ESRRG: variants seen among roughly 807,000 people sequenced by gnomAD.
ESRRG encodes estrogen related receptor gamma.
ESRRG carries 13 observed loss-of-function variants against 44.0 expected under a neutral mutation model. The ratio of observed to expected loss-of-function variants is 0.30; its 90% CI spans 0.19 to 0.47. The LOEUF is 0.47. ESRRG is among the 20% of genes least tolerant of loss of function. The pLI, the probability that ESRRG is intolerant of heterozygous loss-of-function variation, is 1.00. For synonymous variants in ESRRG, 215 were observed against 214.6 expected (o/e 1.00, Z -0.02); for missense variants, 395 against 580.6 (o/e 0.68, Z 3.29).
Position 216,891,101 on chromosome 1 carries a change from T to C in ESRRG, c.-14+48481A>G, listed in dbSNP as rs1043137323. On this transcript the variant is annotated intron_variant, in intron 2 of 7. Coordinates refer to the ESRRG transcript ENST00000359162. ...AAAGGTTTCCTGGCCGGAAACTCTGTTGTTGCATTTTTTATGCCTATATGT... is the reference window on the plus strand; with the variant it reads ...AAAGGTTTCCTGGCCGGAAACTCTGCTGTTGCATTTTTTATGCCTATATGT... Among the ~76,000 whole-genome samples the C allele has an allele frequency of 3.3e-5, 5 of 152,226 alleles. No homozygotes were observed. In the East Asian group the frequency reaches 9.6e-4, roughly 29 times the overall value.
intron 2 of ESRRG, among the ~76,000 whole-genome samples, chr1:216,799,878 A>C (rs1338186885): frequency 6.6e-6 from 1 of 152,122 alleles, no homozygotes; most frequent in African/African-American, 2.4e-5. Context: ...ATTAGTCAGT[A>C]ATTTGGGATT....
intron 1 of ESRRG, among the ~76,000 whole-genome samples, chr1:217,026,912 C>CACACACACACACAGAG (rs1255637839): frequency 3.2e-5 from 3 of 93,414 alleles, no homozygotes; most frequent in Non-Finnish European, 6.5e-5. Context: ...CACACACACA[C>CACACACACACACAGAG]AGAGAGAGAG....
chr1:217,056,515 T>C (rs1194054365), intron 1 of ESRRG, among the ~76,000 whole-genome samples: 1 of 151,862 alleles, frequency 6.6e-6, no homozygotes, highest in Non-Finnish European at 1.5e-5. Context: ...GTGCCATTGA[T>C]ATTGTGTTGA....
At chr1:216,881,527 T>A (rs957829944) in intron 2 of ESRRG, among the ~76,000 whole-genome samples, 2 of 152,036 alleles carry the variant, frequency 1.3e-5, no homozygotes, top group African/African-American at 4.8e-5. Context: ...CTGGTAGCTA[T>A]ACGAAAGGAG....
intron 1 of ESRRG, among the ~76,000 whole-genome samples, chr1:217,116,862 T>C (rs993392193): frequency 2.0e-5 from 3 of 152,122 alleles, no homozygotes; most frequent in Non-Finnish European, 2.9e-5. Context: ...TATTAAAGGA[T>C]TGAGGATAAA....
At chr1:216,581,018 A>G (rs764230316) in intron 3 of ESRRG, among the ~76,000 whole-genome samples, 2 of 152,244 alleles carry the variant, frequency 1.3e-5, no homozygotes, top group Non-Finnish European at 2.9e-5. Flanking sequence ...GCACATCACT[A>G]TGGAAACTGA....
intron 2 of ESRRG, among the ~76,000 whole-genome samples, chr1:216,736,073 A>T (rs200665190): frequency 4.5e-5 from 5 of 111,322 alleles, no homozygotes; most frequent in Admixed American, 1.7e-4. Flanking sequence ...AGATGAGAAC[A>T]GGGGGGGAGT....
At chr1:216,871,721 C>T (rs1198931855) in intron 2 of ESRRG, among the ~76,000 whole-genome samples, 1 of 151,960 alleles carries the variant, frequency 6.6e-6, no homozygotes, top group Non-Finnish European at 1.5e-5. Context: ...CATTATCATC[C>T]TATAGTCCCC....
intron 2 of ESRRG, among the ~76,000 whole-genome samples, chr1:216,670,832 G>A (rs2075033077): frequency 6.6e-6 from 1 of 152,130 alleles, no homozygotes; most frequent in South Asian, 2.1e-4. Flanking sequence ...GGGATGGGCT[G>A]CAGGCTATGA....
chr1:217,077,564 T>C (rs1558217946), intron 1 of ESRRG, among the ~76,000 whole-genome samples: 1 of 152,184 alleles, frequency 6.6e-6, no homozygotes, highest in Non-Finnish European at 1.5e-5. Context: ...AGGTAGTGGC[T>C]AAATACAGGT....
At chr1:217,059,969 A>T (rs549481104) in intron 1 of ESRRG, among the ~76,000 whole-genome samples, 1 of 152,256 alleles carries the variant, frequency 6.6e-6, no homozygotes, top group Non-Finnish European at 1.5e-5. Context: ...TTTTTTAAAA[A>T]TACAAAGAAA....
Position 216,897,194 on chromosome 1 carries a change from G to A in ESRRG, c.-14+42388C>T, listed in dbSNP as rs79566198. On this transcript the variant is annotated intron_variant, in intron 2 of 7. Transcript: ENST00000359162. ...AAAATGTACAAATGAGAAGGACCCA[G>A]TGGATTTGCCATACAAAGTACCTCT... Among the ~76,000 whole-genome samples, 509 of 152,312 alleles carry A rather than the reference G, an allele frequency of 3.3e-3. 3 individuals are homozygous for A. The highest frequency in any genetic ancestry group is 5.8e-3 in the Non-Finnish European group (397 of 68,018).
chr1:216,687,026 C>CATGT (rs1553502043), intron 1 of ESRRG, among the ~76,000 whole-genome samples: 2,063 of 149,232 alleles, frequency 0.014, 46 homozygotes, highest in African/African-American at 0.048. Flanking sequence ...TGGCAGGGCC[C>CATGT]GTGTGTGTGT....
intron 3 of ESRRG, among the ~76,000 whole-genome samples, chr1:216,574,576 C>G (rs893515743): frequency 6.6e-6 from 1 of 152,122 alleles, no homozygotes; most frequent in African/African-American, 2.4e-5. Context: ...CACAAGGATA[C>G]TCTAGCCTAC....
At chr1:216,694,979 C>T (rs1004941983) in intron 1 of ESRRG, among the ~76,000 whole-genome samples, 9 of 152,112 alleles carry the variant, frequency 5.9e-5, no homozygotes, top group East Asian at 1.9e-4. Context: ...TCTTTGAACT[C>T]GGTGTTTACA....
At chr1:216,622,609 T>TACACACACACAC (rs1553429669) in intron 3 of ESRRG, among the ~76,000 whole-genome samples, 1 of 150,824 alleles carries the variant, frequency 6.6e-6, no homozygotes, top group Admixed American at 6.6e-5. Context: ...AAATGAAAAT[T>TACACACACACAC]ACACACACGC....
chr1:216,541,517 A>G (rs1344279669), intron 5 of ESRRG, among the ~76,000 whole-genome samples: 1 of 151,160 alleles, frequency 6.6e-6, no homozygotes, highest in East Asian at 2.0e-4. Flanking sequence ...AAATAATGAT[A>G]TTGAAGTAAG....
chr1:216,525,485 G>A (rs2047367517), intron 5 of ESRRG, among the ~76,000 whole-genome samples: 1 of 149,522 alleles, frequency 6.7e-6, no homozygotes, highest in African/African-American at 2.5e-5. Context: ...AAAAATGTGG[G>A]GGGGCATGGA....
intron 1 of ESRRG, among the ~76,000 whole-genome samples, chr1:217,088,432 A>G (rs1370584833): frequency 1.0e-5 from 1 of 97,118 alleles, no homozygotes; most frequent in Non-Finnish European, 1.9e-5. Context: ...TTTTTGAGAG[A>G]GAGAGAGAGA....
Sources: allele counts gnomAD v4.1 joint callset (sites outside exome capture counted in the v4.1 genomes callset), GRCh38; gene constraint gnomAD v4.1.1; transcripts MANE v1.5; gene names NCBI Gene and HGNC (gene_info 2026-07-23, HGNC 2026-07-21).